Variants in MSANTD7 observed in about 807,000 individuals in gnomAD.
MSANTD7 encodes zinc finger and SCAN domain containing 29.
the MSANTD7 span, chr10:14,838,307 T>G: frequency 7.8e-6 from 10 of 1,289,096 alleles, no homozygotes; most frequent in African/African-American, 1.2e-4. Context: ...GGCGGGAACG[T>G]GAAGCTCCGC....
the MSANTD7 span, chr10:14,843,629 G>A: frequency 7.1e-6 from 11 of 1,550,336 alleles, no homozygotes; most frequent in East Asian, 2.4e-5. Context: ...CGAAGAAGGC[G>A]GTCAGTGGCC....
chr10:14,838,314 C>A, the MSANTD7 span: 2 of 1,344,064 alleles, frequency 1.5e-6, no homozygotes. Flanking sequence ...ACGTGAAGCT[C>A]CGCGGTGCCT....
At chr10:14,844,265 G>A in the MSANTD7 span, 15 of 1,077,654 alleles carry the variant, frequency 1.4e-5, no homozygotes, top group Non-Finnish European at 1.7e-5. Context: ...GGATCACGTA[G>A]TTCATAGATG....
At chr10:14,840,258 T>G in the MSANTD7 span, 1 of 514,748 alleles carries the variant, frequency 1.9e-6, no homozygotes, top group East Asian at 4.1e-5. Flanking sequence ...GTTTGTTTCT[T>G]CATTGCTTTT....
chr10:14,843,611 G>C, the MSANTD7 span: 2 of 1,550,600 alleles, frequency 1.3e-6, no homozygotes, highest in Non-Finnish European at 1.7e-6. Context: ...CCTCCAAGGT[G>C]GGCAAGGCGA....
chr10:14,845,979 A>G, the MSANTD7 span: 4 of 933,602 alleles, frequency 4.3e-6, no homozygotes, highest in Non-Finnish European at 5.1e-6. Flanking sequence ...CAAAATGAAA[A>G]CGAAATTTTA....
the MSANTD7 span, chr10:14,842,451 G>A: frequency 5.2e-6 from 8 of 1,536,170 alleles, no homozygotes; most frequent in Admixed American, 2.0e-5. The surrounding 1 kb of genome is among the most constrained non-coding windows in gnomAD (Gnocchi z 5.2). Context: ...GAGGGCTTCC[G>A]CCGCACCGAA....
the MSANTD7 span, chr10:14,845,138 G>T: frequency 2.0e-6 from 2 of 985,370 alleles, no homozygotes; most frequent in Non-Finnish European, 2.4e-6. Context: ...GACACACACT[G>T]GGGAGAGATG....
the MSANTD7 span, chr10:14,846,547 T>C: frequency 1.0e-6 from 1 of 985,352 alleles, no homozygotes; most frequent in Middle Eastern, 5.2e-4. Flanking sequence ...GCCAGGAATC[T>C]GCCTATGTGG....
the MSANTD7 span, chr10:14,845,308 A>G: frequency 3.0e-6 from 3 of 985,472 alleles, no homozygotes; most frequent in Non-Finnish European, 3.6e-6. Context: ...GAAGTTGGAA[A>G]AATAACAAAG....
the MSANTD7 span, among the ~76,000 whole-genome samples, chr10:14,839,164 G>T: frequency 1.1e-4 from 16 of 152,234 alleles, no homozygotes; most frequent in Non-Finnish European, 2.1e-4. Flanking sequence ...TCTCTCATCA[G>T]TGGGGAGGCA....
the MSANTD7 span, chr10:14,840,006 G>T: frequency 6.4e-7 from 1 of 1,570,796 alleles, no homozygotes; most frequent in South Asian, 1.1e-5. Flanking sequence ...CCCCATTTTT[G>T]TACTTCTGAA....
the MSANTD7 span, chr10:14,838,546 G>A: frequency 7.5e-7 from 1 of 1,324,728 alleles, no homozygotes; most frequent in Non-Finnish European, 1.0e-6. Flanking sequence ...AGAGCGGCGT[G>A]TCGCCGGCCT....
the MSANTD7 span, among the ~76,000 whole-genome samples, chr10:14,840,371 G>A: frequency 6.6e-6 from 1 of 152,098 alleles, no homozygotes. Context: ...TTAGTTTCTT[G>A]CTGACAGGTC....
the MSANTD7 span, chr10:14,845,621 TCTCAC>T: frequency 1.2e-6 from 1 of 818,248 alleles, no homozygotes; most frequent in Non-Finnish European, 1.5e-6. Flanking sequence ...TGAGAAAAAG[TCTCAC>T]TGTTTTGCCC....
chr10:14,844,639 G>T, the MSANTD7 span: 1 of 984,536 alleles, frequency 1.0e-6, no homozygotes, highest in Non-Finnish European at 1.2e-6. Context: ...AAGGAAATAA[G>T]AAGTGCCAGG....
the MSANTD7 span, chr10:14,843,713 T>C: frequency 2.4e-5 from 37 of 1,538,716 alleles, no homozygotes; most frequent in Non-Finnish European, 2.8e-5. Flanking sequence ...GAAGAAAAAC[T>C]GGACAGGCTG....
the MSANTD7 span, chr10:14,842,888 G>T: frequency 9.6e-6 from 13 of 1,353,068 alleles, no homozygotes; most frequent in African/African-American, 1.5e-5. This position sits in a 1 kb window ranked among gnomAD's most constrained non-coding sequence, Gnocchi z 5.2. Context: ...CCAGAGTCTT[G>T]TGGCTCTAAA....
chr10:14,838,922 C>A, the MSANTD7 span, among the ~76,000 whole-genome samples: 2 of 152,028 alleles, frequency 1.3e-5, no homozygotes, highest in Non-Finnish European at 2.9e-5. Context: ...GGTGGGAGGT[C>A]CTGGGAAAGT....
Sources: allele counts gnomAD v4.1 joint callset (sites outside exome capture counted in the v4.1 genomes callset), GRCh38; gene constraint gnomAD v4.1.1; non-coding constraint Gnocchi (gnomAD v3.1); transcripts MANE v1.5; gene names NCBI Gene and HGNC (gene_info 2026-07-23, HGNC 2026-07-21).